Variants in SLC9A9 observed in about 807,000 individuals in gnomAD.
SLC9A9 encodes solute carrier family 9 member A9.
A neutral mutation model predicts 77.8 loss-of-function variants in SLC9A9; 62 were observed. That is an observed-to-expected ratio of 0.80 (90% CI 0.65 to 0.98). The LOEUF is 0.98. SLC9A9 is among the 50% of genes least tolerant of loss of function. The probability of loss-of-function intolerance (pLI) is 0.00; values close to 1 mark genes in which losing one functional copy is unlikely to be tolerated. For missense variants in SLC9A9, 775 were observed against 774.9 expected (o/e 1.00, Z 0.00); for synonymous variants, 320 against 283.5 (o/e 1.13, Z -1.29).
At chr3:143,646,980 TTTC>T (rs1205222207) in intron 6 of SLC9A9, among the ~76,000 whole-genome samples, 1 of 152,222 alleles carries the variant, frequency 6.6e-6, no homozygotes, top group Non-Finnish European at 1.5e-5. Flanking sequence ...TCCATTTATG[TTTC>T]TTCTTTTGTT....
At chr3:143,422,425 G>T (rs1361049460) in intron 12 of SLC9A9, among the ~76,000 whole-genome samples, 1 of 152,182 alleles carries the variant, frequency 6.6e-6, no homozygotes, top group African/African-American at 2.4e-5. Context: ...GCCATAAAAA[G>T]AATGAAATCA....
intron 9 of SLC9A9, among the ~76,000 whole-genome samples, chr3:143,522,454 T>C (rs190042845): frequency 6.6e-6 from 1 of 152,284 alleles, no homozygotes; most frequent in East Asian, 1.9e-4. Context: ...CAACTTCTCC[T>C]TCCTATACTC....
intron 5 of SLC9A9, among the ~76,000 whole-genome samples, chr3:143,672,787 G>A (rs1393556787): frequency 6.6e-6 from 1 of 152,130 alleles, no homozygotes; most frequent in Non-Finnish European, 1.5e-5. Context: ...TTATGCAGAT[G>A]TTCCCACATA....
chr3:143,584,665 A>T (rs772304552), intron 6 of SLC9A9, among the ~76,000 whole-genome samples: 4 of 152,238 alleles, frequency 2.6e-5, no homozygotes, highest in Admixed American at 2.6e-4. Flanking sequence ...GTTGGAACAT[A>T]CATAAATATG....
intron 14 of SLC9A9, among the ~76,000 whole-genome samples, chr3:143,363,040 C>T (rs1325316199): frequency 6.6e-6 from 1 of 152,158 alleles, no homozygotes; most frequent in African/African-American, 2.4e-5. Flanking sequence ...TTTTTTACAG[C>T]ATGAAACAAA....
chr3:143,740,576 AC>A (rs1935051830), intron 4 of SLC9A9, among the ~76,000 whole-genome samples: 1 of 152,240 alleles, frequency 6.6e-6, no homozygotes, highest in South Asian at 2.1e-4. Context: ...TCCATTAAAA[AC>A]ATCTTCCATA....
intron 4 of SLC9A9, among the ~76,000 whole-genome samples, chr3:143,702,892 T>C (rs926503411): frequency 3.3e-5 from 5 of 152,092 alleles, no homozygotes; most frequent in African/African-American, 1.2e-4. Flanking sequence ...AGATATTCCA[T>C]GTCAATGGAA....
rs867175448 is a variant in SLC9A9 at position 143,635,861 on chromosome 3, A to G, written c.755+16394T>C. 6.6e-5 allele frequency among the ~76,000 whole-genome samples: 10 copies of G among 152,332 alleles called. No homozygotes were observed. The South Asian group carries it at 1.2e-3, about 19-fold the overall frequency. ...ACATTATTCAGCGGCAATACTTCATACTTAAATATTTCATAGTTTATAGTT... is the reference window on the plus strand; with the variant it reads ...ACATTATTCAGCGGCAATACTTCATGCTTAAATATTTCATAGTTTATAGTT... On this transcript the variant is annotated intron_variant, in intron 6 of 15. Coordinates refer to ENST00000316549, the MANE Select transcript of SLC9A9 (RefSeq NM_173653.4).
chr3:143,461,646 A>G (rs2035194461), intron 12 of SLC9A9, among the ~76,000 whole-genome samples: 1 of 152,204 alleles, frequency 6.6e-6, no homozygotes, highest in Non-Finnish European at 1.5e-5. Flanking sequence ...CAGCTTTAAG[A>G]GAGGGAGGCA....
rs113270899 is a variant in SLC9A9 at position 143,839,537 on chromosome 3, G to A, written c.176-7316C>T. Reference sequence around the variant, plus strand: ...ACACACACACACACACATCACAAGCGCACACATGCACACACATATAGCACA... The same window carrying A: ...ACACACACACACACACATCACAAGCACACACATGCACACACATATAGCACA... On this transcript the variant is annotated intron_variant, in intron 1 of 15. Coordinates refer to ENST00000316549, the MANE Select transcript of SLC9A9 (RefSeq NM_173653.4). Among the ~76,000 whole-genome samples, 1,218 of 150,998 alleles carry A rather than the reference G, an allele frequency of 8.1e-3. 21 individuals carry two copies. Among genetic ancestry groups the A allele is most frequent in the African/African-American group, 0.028 (1,164 of 41,132 alleles).
chr3:143,606,436 C>CTCTCTCTCTATATATATATATATATA (rs1419410834), intron 6 of SLC9A9, among the ~76,000 whole-genome samples: 10 of 54,214 alleles, frequency 1.8e-4, no homozygotes, highest in African/African-American at 5.4e-4. Flanking sequence ...CTCTCTCTCT[C>CTCTCTCTCTATATATATATATATATA]TATATATATA....
At chr3:143,609,313 G>T (rs2037978936) in intron 6 of SLC9A9, among the ~76,000 whole-genome samples, 1 of 152,140 alleles carries the variant, frequency 6.6e-6, no homozygotes, top group South Asian at 2.1e-4. Flanking sequence ...CTTGGAGTTG[G>T]TGAAGACAAA....
At chr3:143,538,124 C>T (rs1262442674) in intron 9 of SLC9A9, among the ~76,000 whole-genome samples, 2 of 152,160 alleles carry the variant, frequency 1.3e-5, no homozygotes, top group African/African-American at 4.8e-5. Context: ...TTGCCTTATT[C>T]TACAGGCCAG....
At chr3:143,353,609 C>A (rs1183847036) in intron 14 of SLC9A9, among the ~76,000 whole-genome samples, 1 of 152,066 alleles carries the variant, frequency 6.6e-6, no homozygotes, top group African/African-American at 2.4e-5. Flanking sequence ...GCAGCCTGAA[C>A]AAACTAAAAA....
chr3:143,560,257 T>A (rs962112414), intron 8 of SLC9A9, among the ~76,000 whole-genome samples: 2 of 152,194 alleles, frequency 1.3e-5, no homozygotes, highest in Non-Finnish European at 2.9e-5. Flanking sequence ...GGACCACACT[T>A]TGAGGAGCAA....
chr3:143,743,657 A>G (rs1271032826), intron 4 of SLC9A9, among the ~76,000 whole-genome samples: 1 of 151,992 alleles, frequency 6.6e-6, no homozygotes, highest in Non-Finnish European at 1.5e-5. Context: ...AGTCTTCCCC[A>G]CTCAGTCCAG....
chr3:143,516,110 T>A (rs959275069), intron 9 of SLC9A9, among the ~76,000 whole-genome samples: 2 of 152,192 alleles, frequency 1.3e-5, no homozygotes, highest in Admixed American at 6.5e-5. Flanking sequence ...TAGTCAGTTA[T>A]ACACTTCTAG....
At chr3:143,692,856 A>C (rs1933512637) in intron 5 of SLC9A9, among the ~76,000 whole-genome samples, 1 of 152,176 alleles carries the variant, frequency 6.6e-6, no homozygotes, top group African/African-American at 2.4e-5. Context: ...TTACGTTTTA[A>C]GAAAGTTTAT....
At chr3:143,400,458 T>C (rs1354508922) in intron 12 of SLC9A9, among the ~76,000 whole-genome samples, 1 of 152,138 alleles carries the variant, frequency 6.6e-6, no homozygotes, top group Non-Finnish European at 1.5e-5. Context: ...CGTCGTATGT[T>C]CTCACTCATA....
Sources: allele counts gnomAD v4.1 joint callset (sites outside exome capture counted in the v4.1 genomes callset), GRCh38; gene constraint gnomAD v4.1.1; transcripts MANE v1.5; gene names NCBI Gene and HGNC (gene_info 2026-07-23, HGNC 2026-07-21).